Variants in TAF4B observed in about 807,000 individuals in gnomAD.
TAF4B encodes the protein TATA-box binding protein associated factor 4b.
Under a neutral mutation model 86.4 loss-of-function variants are expected in TAF4B, and 38 were observed. The ratio of observed to expected loss-of-function variants is 0.44; its 90% CI spans 0.34 to 0.58. TAF4B has a LOEUF of 0.58. Among genes scored for constraint, TAF4B ranks in the 20% least tolerant of loss-of-function variants. TAF4B has a pLI of 0.02. For missense variants in TAF4B, 988 were observed against 1,027.6 expected, an observed-to-expected ratio of 0.96 and a Z score of 0.53; for synonymous variants, 388 against 391.2, an observed-to-expected ratio of 0.99 and a Z score of 0.10.
chr18:26,334,890 A>G (rs2057078434), intron 12 of TAF4B, among the ~76,000 whole-genome samples: 1 of 151,940 alleles, frequency 6.6e-6, no homozygotes, highest in South Asian at 2.1e-4. Context: ...TTTAGTTTTC[A>G]GTGTTCCTAC....
At chr18:26,259,661 A>G (rs929440207) in intron 1 of TAF4B, among the ~76,000 whole-genome samples, 2 of 151,986 alleles carry the variant, frequency 1.3e-5, no homozygotes, top group Admixed American at 1.3e-4. Flanking sequence ...TATGTGCCAC[A>G]TTTTCTTAAT....
chr18:26,387,267 C>G (rs1978427618), intron 14 of TAF4B, among the ~76,000 whole-genome samples: 1 of 152,068 alleles, frequency 6.6e-6, no homozygotes, highest in South Asian at 2.1e-4. Context: ...TGGGGTTTCA[C>G]CATGTTAGCC....
intron 14 of TAF4B, among the ~76,000 whole-genome samples, chr18:26,369,397 A>T (rs977471714): frequency 6.6e-6 from 1 of 152,244 alleles, no homozygotes; most frequent in African/African-American, 2.4e-5. Flanking sequence ...GACTGCTCCA[A>T]GAAAGTTACC....
At chr18:26,282,666 A>G (rs1032273651) in intron 6 of TAF4B, among the ~76,000 whole-genome samples, 2 of 152,200 alleles carry the variant, frequency 1.3e-5, no homozygotes, top group African/African-American at 4.8e-5. Flanking sequence ...TTAAGACAAC[A>G]GTGCAATTTG....
In TAF4B at chr18:26,227,001, TGACCATGGCCCCGGCCGG is replaced by T. The variant is rs763554880; in HGVS notation, c.70_87del (p.Thr24_Gly29del). ...GCTGCTGTGAGCGCCTCGGGGACCG[TGACCATGGCCCCGGCCGG>T]GGCGCTGCCGGTGCGGGTGGAGAGC... On this transcript the variant is annotated inframe_deletion, in exon 1 of 15. Transcript: ENST00000269142. 3 of 1,442,914 alleles carry T rather than the reference TGACCATGGCCCCGGCCGG, an allele frequency of 2.1e-6. No individual in the cohort carries two copies. The highest frequency in any genetic ancestry group is 3.2e-5 in the Admixed American group (1 of 31,678). 89.4% of individuals were successfully genotyped at this position (1,442,914 alleles called of 1,614,324 possible). A position where few individuals can be genotyped will look rare whatever the true frequency, so the allele number is the denominator to read the frequency against.
chr18:26,389,991 AT>A lies in TAF4B; in HGVS notation c.2569del (p.Tyr857ThrfsTer5). ...EREMKYSRALYLALLK is the reference protein window; with the variant it reads ...EREMKYSRALXLALLK ...GGGAGATGAAGTATTCTCGAGCTCT[AT>A]ACCTGGCCCTTCTGAAGTGACCACT... On this transcript the variant is annotated frameshift_variant, in exon 15 of 15. Coordinates refer to ENST00000269142, the MANE Select transcript of TAF4B (RefSeq NM_005640.3). LOFTEE classifies it high-confidence loss of function. 1 of 1,614,044 alleles carries A rather than the reference AT, an allele frequency of 6.2e-7. No individual in the cohort carries two copies. The highest frequency in any genetic ancestry group is 8.5e-7 in the Non-Finnish European group (1 of 1,179,982).
intron 5 of TAF4B, among the ~76,000 whole-genome samples, chr18:26,280,635 T>C (rs1298401353): frequency 6.6e-6 from 1 of 152,158 alleles, no homozygotes; most frequent in Non-Finnish European, 1.5e-5. Flanking sequence ...TGTCTGTTAC[T>C]AAGAAGTCAA....
At position 26,274,652 on chromosome 18, in the gene TAF4B, T is replaced by G. The variant is rs779732912; in HGVS notation, c.598-11T>G. 35 of 1,614,072 alleles carry G rather than the reference T, an allele frequency of 2.2e-5. No individual in the cohort carries two copies. Among genetic ancestry groups the G allele is most frequent in the Middle Eastern group, 1.6e-4 (1 of 6,062 alleles). On this transcript the variant is annotated splice_polypyrimidine_tract_variant and intron_variant, in intron 3 of 14. Transcript: ENST00000269142. ...AATACATGCCTAAATATTTAATACC[T>G]TTAATTTCAGTCTGTGGCTGTGCCA...
At chr18:26,247,822 G>A (rs898765787) in intron 1 of TAF4B, among the ~76,000 whole-genome samples, 8 of 152,168 alleles carry the variant, frequency 5.3e-5, no homozygotes, top group African/African-American at 1.9e-4. Flanking sequence ...TATGCAGTGG[G>A]CCAAGATCGT....
intron 1 of TAF4B, among the ~76,000 whole-genome samples, chr18:26,247,064 C>T (rs1165959089): frequency 6.6e-6 from 1 of 151,478 alleles, no homozygotes; most frequent in Admixed American, 6.6e-5. Flanking sequence ...GGGGTTTCTC[C>T]ATGTTGGTCA....
chr18:26,262,086 G>T (rs990024341), intron 1 of TAF4B, among the ~76,000 whole-genome samples: 1 of 152,160 alleles, frequency 6.6e-6, no homozygotes, highest in Non-Finnish European at 1.5e-5. Context: ...AGTGTTCCCA[G>T]TGTGCTCTCC....
intron 14 of TAF4B, among the ~76,000 whole-genome samples, chr18:26,381,052 T>C (rs2057474802): frequency 6.6e-6 from 1 of 152,168 alleles, no homozygotes; most frequent in Non-Finnish European, 1.5e-5. Context: ...TCTTGCCCTG[T>C]CGCCCAGGCT....
At chr18:26,303,109 ACCC>A (rs2056756433) in intron 9 of TAF4B, among the ~76,000 whole-genome samples, 1 of 23,912 alleles carries the variant, frequency 4.2e-5, no homozygotes, top group African/African-American at 2.0e-4. Flanking sequence ...CCACTTTCAT[ACCC>A]CCTCCACTTT....
intron 13 of TAF4B, among the ~76,000 whole-genome samples, chr18:26,356,767 T>C (rs1453331774): frequency 6.7e-6 from 1 of 148,232 alleles, no homozygotes; most frequent in Admixed American, 6.9e-5. Flanking sequence ...CTAGTGGTGT[T>C]CTATTTTGAC....
chr18:26,324,991 T>A (rs2056992578), intron 11 of TAF4B, among the ~76,000 whole-genome samples: 1 of 152,240 alleles, frequency 6.6e-6, no homozygotes, highest in Admixed American at 6.5e-5. Flanking sequence ...TTTATAAAAG[T>A]GAGTTACTCT....
intron 6 of TAF4B, among the ~76,000 whole-genome samples, chr18:26,284,524 T>G (rs2056486851): frequency 6.6e-6 from 1 of 152,160 alleles, no homozygotes; most frequent in Admixed American, 6.6e-5. Context: ...AACCTATTAG[T>G]TTTTAGTTTG....
At chr18:26,246,554 G>A (rs2055927615) in intron 1 of TAF4B, among the ~76,000 whole-genome samples, 1 of 150,412 alleles carries the variant, frequency 6.6e-6, no homozygotes, top group Non-Finnish European at 1.5e-5. Flanking sequence ...TTTTTTTCTG[G>A]ATGGAGTCTC....
At chr18:26,367,485 C>G (rs1480034776) in intron 14 of TAF4B, among the ~76,000 whole-genome samples, 2 of 152,060 alleles carry the variant, frequency 1.3e-5, no homozygotes, top group African/African-American at 4.8e-5. Flanking sequence ...TGAGTTTGCC[C>G]TTTCTTTATC....
chr18:26,374,344 G>A (rs768949883), intron 14 of TAF4B, among the ~76,000 whole-genome samples: 1 of 152,194 alleles, frequency 6.6e-6, no homozygotes, highest in South Asian at 2.1e-4. Flanking sequence ...GAAACACTCC[G>A]TCTGCCTGCT....
Sources: allele counts gnomAD v4.1 joint callset (sites outside exome capture counted in the v4.1 genomes callset), GRCh38; gene constraint gnomAD v4.1.1; transcripts MANE v1.5; gene names NCBI Gene and HGNC (gene_info 2026-07-23, HGNC 2026-07-21).